The following SND1 variants were observed in gnomAD, a reference collection of about 807,000 sequenced individuals.
SND1 encodes staphylococcal nuclease domain-containing protein 1.
A neutral mutation model predicts 121.7 loss-of-function variants in SND1; 38 were observed. That is an observed-to-expected ratio of 0.31 (90% CI 0.24 to 0.41). The LOEUF (loss-of-function observed/expected upper bound fraction) is 0.41. Ranked by LOEUF, SND1 falls within the 10% of genes least tolerant of loss-of-function variation. The pLI is 1.00. For synonymous variants in SND1, 401 were observed against 447.4 expected (o/e 0.90, Z 1.31); for missense variants, 868 against 1,184.6 (o/e 0.73, Z 3.92).
At chr7:127,774,244 C>T (rs553659539) in intron 10 of SND1, among the ~76,000 whole-genome samples, 16 of 152,234 alleles carry the variant, frequency 1.1e-4, no homozygotes, top group African/African-American at 3.9e-4. Context: ...GCTCTTGACC[C>T]TGTGTAAACC....
At chr7:127,786,294 G>A (rs566662984) in intron 10 of SND1, among the ~76,000 whole-genome samples, 58 of 152,226 alleles carry the variant, frequency 3.8e-4, no homozygotes, top group Non-Finnish European at 7.8e-4. Context: ...TTAGGCTTAT[G>A]CATTGCCCTT....
intron 16 of SND1, chr7:127,998,191 G>C (rs1415837213): frequency 1.8e-5 from 6 of 324,644 alleles, no homozygotes; most frequent in African/African-American, 1.3e-4. Context: ...TGTCCTTTAT[G>C]GTTCTTTAGG....
chr7:127,790,129 T>C (rs1285630364), intron 10 of SND1, among the ~76,000 whole-genome samples: 1 of 152,192 alleles, frequency 6.6e-6, no homozygotes, highest in African/African-American at 2.4e-5. Context: ...GGCATGATGT[T>C]CTGGCTTCTC....
intron 16 of SND1, among the ~76,000 whole-genome samples, chr7:128,053,985 G>A (rs368036672): frequency 2.0e-5 from 3 of 152,246 alleles, no homozygotes; most frequent in East Asian, 1.9e-4. Flanking sequence ...GGGAATGGCC[G>A]GTACAGGGGG....
At chr7:127,989,974 C>T (rs761523065) in intron 15 of SND1, among the ~76,000 whole-genome samples, 3 of 152,098 alleles carry the variant, frequency 2.0e-5, no homozygotes, top group Non-Finnish European at 2.9e-5. Flanking sequence ...GCACTTTGTA[C>T]AGAATCCTGT....
chr7:128,025,490 A>C (rs150692568), intron 16 of SND1, among the ~76,000 whole-genome samples: 1 of 152,308 alleles, frequency 6.6e-6, no homozygotes, highest in Non-Finnish European at 1.5e-5. Context: ...ATCATCAGCA[A>C]GAGTCTTTAC....
intron 12 of SND1, among the ~76,000 whole-genome samples, chr7:127,876,319 AG>A: frequency 6.6e-6 from 1 of 152,168 alleles, no homozygotes; most frequent in East Asian, 1.9e-4. Flanking sequence ...CAGCATCACC[AG>A]GAGACCAGGT....
intron 9 of SND1, among the ~76,000 whole-genome samples, chr7:127,709,349 T>A (rs2116359470): frequency 6.6e-6 from 1 of 152,318 alleles, no homozygotes; most frequent in South Asian, 2.1e-4. Context: ...TTTTTCGCCA[T>A]CTTCACTTTG....
rs1264918909 is a variant in SND1 at position 128,081,410 on chromosome 7, G to A, written c.2019G>A (p.Leu673=). ...CCGTGGAGGAGGTGATGCCAGTGCT[G>A]GAGGAGAAGGAGCGATCTGCTAGCT... ...EQPVEEVMPV[L]EEKERSASYK... is the part of the protein sequence containing the mutation. The change falls in exon 18 of 24, where the codon CTG becomes CTA. Residue 673 remains leucine (L), a synonymous_variant. Transcript: ENST00000354725. 1.2e-6 allele frequency: 2 copies of A among 1,614,210 alleles called. No individual in the cohort carries two copies. The highest frequency in any genetic ancestry group is 1.7e-5 in the Admixed American group (1 of 60,030).
rs1584780936 is a variant in SND1, at chr7:128,085,007, C to A, written c.2234+160C>A. Among the ~76,000 whole-genome samples, 1 of 152,204 alleles carries A rather than the reference C, an allele frequency of 6.6e-6. No homozygotes were observed. The highest frequency in any genetic ancestry group is 2.4e-5 in the African/African-American group (1 of 41,466). Reference sequence around the variant, plus strand: ...TCCCTCTTCATTGCCCACAGCCCATCTGGGGCCTTGCTCTGGCCTGTGCAC... The same window carrying A: ...TCCCTCTTCATTGCCCACAGCCCATATGGGGCCTTGCTCTGGCCTGTGCAC... On this transcript the variant is annotated intron_variant, in intron 19 of 23. Coordinates refer to ENST00000354725, the MANE Select transcript of SND1 (RefSeq NM_014390.4). The surrounding 1 kb of genome is among the most constrained non-coding windows in gnomAD (Gnocchi z 4.4).
intron 10 of SND1, among the ~76,000 whole-genome samples, chr7:127,799,767 AAG>A (rs1798095466): frequency 6.6e-6 from 1 of 152,178 alleles, no homozygotes; most frequent in Admixed American, 6.5e-5. Flanking sequence ...ATTTACTTTT[AAG>A]AGGTATTTTG....
chr7:127,910,406 C>T (rs1303640373), intron 14 of SND1, among the ~76,000 whole-genome samples: 5 of 152,004 alleles, frequency 3.3e-5, no homozygotes, highest in South Asian at 2.1e-4. Context: ...GATAGCATCA[C>T]TGCATTCCAG....
chr7:127,757,984 A>G (rs1018636823), intron 10 of SND1, among the ~76,000 whole-genome samples: 2 of 152,208 alleles, frequency 1.3e-5, no homozygotes, highest in South Asian at 2.1e-4. Context: ...ATGCTGGAAT[A>G]TAAGTATCAA....
Position 127,835,351 on chromosome 7 carries a change from T to C in SND1, c.1243-8973T>C, listed in dbSNP as rs372641615. 9.9e-5 allele frequency among the ~76,000 whole-genome samples: 15 copies of C among 151,854 alleles called. No homozygotes were observed. The East Asian group carries it at 2.9e-3, about 29-fold the overall frequency. On this transcript the variant is annotated intron_variant, in intron 11 of 23. Transcript: ENST00000354725. ...GTGGCTGGAACTCCTCCAGGGAGAG[T>C]TCTGGAAAAAGGGATTTAATTTCTC... is the stretch of plus-strand genomic sequence containing the variant.
At chr7:127,910,884 C>G (rs1056320471) in intron 14 of SND1, among the ~76,000 whole-genome samples, 1 of 152,176 alleles carries the variant, frequency 6.6e-6, no homozygotes. Flanking sequence ...AGCACTGGAG[C>G]TTCATTCACA....
intron 11 of SND1, among the ~76,000 whole-genome samples, chr7:127,837,666 C>T (rs1218247053): frequency 1.3e-5 from 2 of 152,194 alleles, no homozygotes; most frequent in African/African-American, 4.8e-5. Flanking sequence ...GAAGCTCTTC[C>T]TGTACCTCGA....
At chr7:128,017,381 C>T (rs1563089877) in intron 16 of SND1, among the ~76,000 whole-genome samples, 1 of 152,170 alleles carries the variant, frequency 6.6e-6, no homozygotes, top group Non-Finnish European at 1.5e-5. Flanking sequence ...CATGAGGGGG[C>T]TACGTAAGTA....
At chr7:127,975,901 C>A (rs1802109665) in intron 15 of SND1, among the ~76,000 whole-genome samples, 2 of 152,360 alleles carry the variant, frequency 1.3e-5, no homozygotes, top group South Asian at 4.1e-4. Context: ...ATTCAGCATT[C>A]TTCCTACGTT....
rs908732547 is a variant in SND1, at chr7:127,975,594, G to A, written c.1670-15353G>A. ...GAGAGCAGGATTAAGATATGGTGGAGAGGGAACAAGGAACCAAAGTGAGTG... is the reference window on the plus strand; with the variant it reads ...GAGAGCAGGATTAAGATATGGTGGAAAGGGAACAAGGAACCAAAGTGAGTG... On this transcript the variant is annotated intron_variant, in intron 15 of 23. Coordinates refer to ENST00000354725, the MANE Select transcript of SND1 (RefSeq NM_014390.4). Among the ~76,000 whole-genome samples the A allele has an allele frequency of 6.2e-4, 94 of 152,264 alleles. 1 individual carries two copies. Among genetic ancestry groups the A allele is most frequent in the African/African-American group, 2.3e-3 (94 of 41,538 alleles).
Sources: gnomAD v4.1 joint callset for allele counts (sites outside exome capture counted in the v4.1 genomes callset) on GRCh38, gnomAD v4.1.1 for gene constraint, Gnocchi (gnomAD v3.1) non-coding constraint, MANE v1.5 for transcripts, NCBI Gene and HGNC (gene_info 2026-07-23, HGNC 2026-07-21) for gene names.